PCDH15: variants seen among roughly 807,000 people sequenced by gnomAD.
PCDH15 encodes the protein protocadherin related 15, also known as protocadherin-15.
PCDH15 carries 129 observed loss-of-function variants against 178.5 expected under a neutral mutation model. That is an observed-to-expected ratio of 0.72 (90% CI 0.63 to 0.84). The LOEUF (loss-of-function observed/expected upper bound fraction) is 0.84. Ranked by LOEUF, PCDH15 falls within the 40% of genes least tolerant of loss-of-function variation. PCDH15 has a pLI of 0.00. For synonymous variants in PCDH15, 800 were observed against 732.0 expected, an observed-to-expected ratio of 1.09 and a Z score of -1.50; for missense variants, 2,230 against 2,099.9, an observed-to-expected ratio of 1.06 and a Z score of -1.21.
intron 1 of PCDH15, among the ~76,000 whole-genome samples, chr10:55,239,378 C>T (rs1488281536): frequency 6.6e-6 from 1 of 152,024 alleles, no homozygotes; most frequent in African/African-American, 2.4e-5. Context: ...ATAGAGAACC[C>T]AGAAATAAAT....
chr10:54,323,719 GGA>G (rs1236793358), intron 7 of PCDH15, among the ~76,000 whole-genome samples: 1 of 152,032 alleles, frequency 6.6e-6, no homozygotes, highest in African/African-American at 2.4e-5. Flanking sequence ...GCTGGGGCAA[GGA>G]GAGAGAATGG....
At chr10:54,965,608 C>CATATATATATATATATATATAT (rs71461263) in intron 2 of PCDH15, among the ~76,000 whole-genome samples, 1 of 141,404 alleles carries the variant, frequency 7.1e-6, no homozygotes, top group African/African-American at 2.6e-5. Context: ...AACTTTGCTT[C>CATATATATATATATATATATAT]ATATATATAT....
At chr10:55,121,773 A>T (rs1837778837) in intron 2 of PCDH15, among the ~76,000 whole-genome samples, 1 of 151,980 alleles carries the variant, frequency 6.6e-6, no homozygotes. Context: ...TCCTTCTGCC[A>T]TATAAGGACA....
intron 28 of PCDH15, among the ~76,000 whole-genome samples, chr10:53,844,784 A>G (rs2077869287): frequency 6.6e-6 from 1 of 152,068 alleles, no homozygotes; most frequent in Non-Finnish European, 1.5e-5. Flanking sequence ...TACTAGTAGA[A>G]AATATTGGGA....
Position 54,556,611 on chromosome 10 carries a change from A to G in PCDH15, c.92-28734T>C, listed in dbSNP as rs11004381. 4.8e-3 allele frequency among the ~76,000 whole-genome samples: 723 copies of G among 149,802 alleles called. 6 individuals carry two copies. Among genetic ancestry groups the G allele is most frequent in the African/African-American group, 0.017 (673 of 40,772 alleles). On this transcript the variant is annotated intron_variant, in intron 2 of 37. Coordinates refer to ENST00000644397, the MANE Select transcript of PCDH15 (RefSeq NM_001384140.1). ...TTTTCTAAAACTGTTAAGAAAATAT[A>G]CTTATTTTAAGAGACTTTTTTTTTT...
At chr10:54,615,966 C>T (rs2093131174) in intron 2 of PCDH15, among the ~76,000 whole-genome samples, 1 of 151,994 alleles carries the variant, frequency 6.6e-6, no homozygotes, top group Admixed American at 6.6e-5. Flanking sequence ...AAAAATATCA[C>T]ACGGTTTAAA....
At chr10:53,915,890 C>T (rs551890197) in intron 25 of PCDH15, among the ~76,000 whole-genome samples, 6 of 152,210 alleles carry the variant, frequency 3.9e-5, no homozygotes, top group Non-Finnish European at 5.9e-5. Flanking sequence ...TTGATTTTGG[C>T]TAAGTCTTTT....
At chr10:54,584,997 G>T (rs1276434520) in intron 2 of PCDH15, among the ~76,000 whole-genome samples, 1 of 152,092 alleles carries the variant, frequency 6.6e-6, no homozygotes, top group Non-Finnish European at 1.5e-5. Flanking sequence ...TGGTAGGTTT[G>T]CTTTCATTAC....
intron 2 of PCDH15, among the ~76,000 whole-genome samples, chr10:55,525,823 C>T (rs987878140): frequency 2.0e-5 from 3 of 151,776 alleles, no homozygotes; most frequent in Non-Finnish European, 4.4e-5. Context: ...TTCATCACTG[C>T]AGAATTAAGG....
At chr10:55,547,910 T>TGTGTGTGTGAGAGAGAGAGAGA (rs541144266) in intron 2 of PCDH15, among the ~76,000 whole-genome samples, 54 of 54,510 alleles carry the variant, frequency 9.9e-4, no homozygotes, top group African/African-American at 3.7e-3. Context: ...TGTGTGTGTG[T>TGTGTGTGTGAGAGAGAGAGAGA]GAGAGAGAGA....
At chr10:54,826,559 A>G (rs1164873635) in intron 3 of PCDH15, among the ~76,000 whole-genome samples, 1 of 151,860 alleles carries the variant, frequency 6.6e-6, no homozygotes, top group Admixed American at 6.6e-5. Context: ...ATGTATATAT[A>G]TGTATGTAAT....
intron 1 of PCDH15, among the ~76,000 whole-genome samples, chr10:55,175,663 C>CAAAAAAAAAA (rs71014459): frequency 4.7e-5 from 5 of 106,656 alleles, no homozygotes; most frequent in Non-Finnish European, 9.4e-5. Context: ...GACTCTGTCT[C>CAAAAAAAAAA]AAAAAAAAAA....
intron 1 of PCDH15, among the ~76,000 whole-genome samples, chr10:54,791,676 A>G (rs1167253923): frequency 6.6e-6 from 1 of 151,864 alleles, no homozygotes; most frequent in African/African-American, 2.4e-5. Context: ...GAAGTCATCC[A>G]ATCTCTCTCT....
intron 2 of PCDH15, among the ~76,000 whole-genome samples, chr10:54,549,050 C>T (rs940544064): frequency 3.3e-5 from 5 of 151,726 alleles, no homozygotes; most frequent in Non-Finnish European, 4.4e-5. Context: ...ATAATTTCGG[C>T]AATACCAGTT....
intron 3 of PCDH15, among the ~76,000 whole-genome samples, chr10:54,402,626 A>G (rs946725781): frequency 1.4e-4 from 21 of 151,998 alleles, no homozygotes; most frequent in Non-Finnish European, 2.6e-4. Flanking sequence ...AATTCATGCA[A>G]TATTTCAAAT....
At chr10:55,009,492 G>A (rs115262283) in intron 2 of PCDH15, among the ~76,000 whole-genome samples, 2,180 of 152,156 alleles carry the variant, frequency 0.014, 48 homozygotes, top group African/African-American at 0.05. Flanking sequence ...GTTGTAGTTA[G>A]AGAAAATTCA....
intron 2 of PCDH15, among the ~76,000 whole-genome samples, chr10:54,605,230 G>A (rs1471063330): frequency 1.3e-5 from 2 of 151,606 alleles, no homozygotes; most frequent in Non-Finnish European, 2.9e-5. Flanking sequence ...TACCATTACC[G>A]ATGAGTTTTA....
Position 54,086,264 on chromosome 10 carries a change from G to A in PCDH15, c.1997+3720C>T, listed in dbSNP as rs567412625. Among the ~76,000 whole-genome samples the A allele has an allele frequency of 2.0e-5, 3 of 152,146 alleles. No individual in the cohort carries two copies. The East Asian group carries it at 5.8e-4, about 30-fold the overall frequency. On this transcript the variant is annotated intron_variant, in intron 16 of 37. Coordinates refer to ENST00000644397, the MANE Select transcript of PCDH15 (RefSeq NM_001384140.1). ...GGTGAGAAAGGAAGCAAGAAAGGAGGGGTGGTGCCAGGCTCCTTTTTTACA... is the reference window on the plus strand; with the variant it reads ...GGTGAGAAAGGAAGCAAGAAAGGAGAGGTGGTGCCAGGCTCCTTTTTTACA...
At chr10:55,403,202 C>CT (rs1355875675) in intron 2 of PCDH15, among the ~76,000 whole-genome samples, 1 of 151,528 alleles carries the variant, frequency 6.6e-6, no homozygotes, top group Non-Finnish European at 1.5e-5. Context: ...TATTTGTGGG[C>CT]TTTTTTATTT....
Sources: allele counts gnomAD v4.1 joint callset (sites outside exome capture counted in the v4.1 genomes callset), GRCh38; gene constraint gnomAD v4.1.1; transcripts MANE v1.5; gene names NCBI Gene and HGNC (gene_info 2026-07-23, HGNC 2026-07-21).